The following FHIT variants were observed in gnomAD, a reference collection of about 807,000 sequenced individuals.
The protein encoded by FHIT is fragile histidine triad diadenosine triphosphatase.
FHIT carries 19 observed loss-of-function variants against 17.9 expected under a neutral mutation model. That is an observed-to-expected ratio of 1.06 (90% CI 0.74 to 1.56). The LOEUF is 1.56. Ranked by LOEUF, FHIT falls within the 40% of genes most tolerant of loss-of-function variation. FHIT has a pLI of 0.00. For synonymous variants in FHIT, 81 were observed against 69.7 expected (o/e 1.16, Z -0.81); for missense variants, 248 against 189.2 (o/e 1.31, Z -1.82).
intron 4 of FHIT, among the ~76,000 whole-genome samples, chr3:60,816,654 T>G (rs2106743022): frequency 6.6e-6 from 1 of 151,482 alleles, no homozygotes; most frequent in Non-Finnish European, 1.5e-5. Context: ...TGTTCAGGAT[T>G]TTTGCCTCTA....
At chr3:59,861,453 T>C (rs912636432) in intron 8 of FHIT, among the ~76,000 whole-genome samples, 6 of 152,224 alleles carry the variant, frequency 3.9e-5, no homozygotes, top group African/African-American at 1.4e-4. Context: ...AAGGGCTCAG[T>C]GCAAACTTCC....
chr3:60,410,006 GATTT>G (rs1702005653), intron 5 of FHIT, among the ~76,000 whole-genome samples: 1 of 152,132 alleles, frequency 6.6e-6, no homozygotes, highest in South Asian at 2.1e-4. Flanking sequence ...CACCCTAACA[GATTT>G]ATTTTAATAA....
At chr3:60,839,808 T>C (rs1178089881) in intron 3 of FHIT, among the ~76,000 whole-genome samples, 6 of 152,180 alleles carry the variant, frequency 3.9e-5, no homozygotes, top group African/African-American at 1.4e-4. Flanking sequence ...TTTCTGCATT[T>C]ACATAACTGC....
intron 5 of FHIT, among the ~76,000 whole-genome samples, chr3:60,298,962 AG>A (rs1169815870): frequency 6.6e-6 from 1 of 152,114 alleles, no homozygotes; most frequent in Non-Finnish European, 1.5e-5. Flanking sequence ...AGAGTAATAA[AG>A]TAATCTTCCT....
chr3:59,859,552 T>C (rs1176234539), intron 8 of FHIT, among the ~76,000 whole-genome samples: 2 of 152,164 alleles, frequency 1.3e-5, no homozygotes, highest in African/African-American at 4.8e-5. Flanking sequence ...ACTCCGTCTC[T>C]ACTAAAAATA....
Position 59,817,577 on chromosome 3 carries a change from AAAAG to A in FHIT, c.349-65260_349-65257del, listed in dbSNP as rs1205134371. On this transcript the variant is annotated intron_variant, in intron 8 of 9. Transcript: ENST00000492590. ...CACCCGTCACTAAAAAAAAAAAAAA[AAAAG>A]AAAGAAAGAAAGAAAAGAAAAAAGA... Among the ~76,000 whole-genome samples the A allele has an allele frequency of 3.0e-3, 460 of 150,978 alleles. 1 individual carries two copies. The highest frequency in any genetic ancestry group is 4.7e-3 in the Admixed American group (71 of 15,122).
At chr3:59,855,627 G>A (rs1702123141) in intron 8 of FHIT, among the ~76,000 whole-genome samples, 1 of 151,990 alleles carries the variant, frequency 6.6e-6, no homozygotes, top group East Asian at 1.9e-4. Context: ...TCAATCTTAA[G>A]TATACAAAAA....
chr3:60,355,926 T>C (rs1699636258), intron 5 of FHIT, among the ~76,000 whole-genome samples: 1 of 152,158 alleles, frequency 6.6e-6, no homozygotes, highest in African/African-American at 2.4e-5. Context: ...TGATTTTGTT[T>C]AATCACTGGG....
At chr3:60,304,212 T>A (rs1576448042) in intron 5 of FHIT, among the ~76,000 whole-genome samples, 1 of 121,958 alleles carries the variant, frequency 8.2e-6, no homozygotes, top group African/African-American at 2.9e-5. Context: ...GTGAACACAC[T>A]AGCACATTAC....
chr3:60,260,625 A>C (rs751112017), intron 5 of FHIT, among the ~76,000 whole-genome samples: 2 of 151,978 alleles, frequency 1.3e-5, no homozygotes, highest in Non-Finnish European at 2.9e-5. Context: ...TATCTGTCAG[A>C]GGTGTTTGAA....
intron 3 of FHIT, among the ~76,000 whole-genome samples, chr3:60,828,649 G>C (rs1005010893): frequency 7.2e-5 from 11 of 151,876 alleles, no homozygotes; most frequent in African/African-American, 2.7e-4. Flanking sequence ...GAGGTGAGGT[G>C]AGTTGATCAC....
intron 4 of FHIT, among the ~76,000 whole-genome samples, chr3:60,700,609 G>A (rs1559649930): frequency 6.6e-6 from 1 of 151,834 alleles, no homozygotes; most frequent in Non-Finnish European, 1.5e-5. Flanking sequence ...AGAGATTACT[G>A]ACTCCCAAAA....
At chr3:59,781,960 A>G (rs576907319) in intron 8 of FHIT, among the ~76,000 whole-genome samples, 2 of 152,212 alleles carry the variant, frequency 1.3e-5, no homozygotes, top group Non-Finnish European at 2.9e-5. Flanking sequence ...CTAGATTTGC[A>G]TTTGTCTAAA....
chr3:61,046,304 G>A (rs2033784718), intron 2 of FHIT, among the ~76,000 whole-genome samples: 1 of 152,038 alleles, frequency 6.6e-6, no homozygotes, highest in African/African-American at 2.4e-5. Context: ...ATGATAAAAG[G>A]GATATCACCA....
At chr3:61,077,399 G>A (rs1392926817) in intron 2 of FHIT, among the ~76,000 whole-genome samples, 1 of 151,880 alleles carries the variant, frequency 6.6e-6, no homozygotes, top group East Asian at 1.9e-4. Flanking sequence ...AAATTAGAGT[G>A]AGAACTAAAG....
chr3:60,572,915 A>T (rs913523930), intron 4 of FHIT, among the ~76,000 whole-genome samples: 1 of 152,166 alleles, frequency 6.6e-6, no homozygotes, highest in Non-Finnish European at 1.5e-5. Flanking sequence ...ACATGCTGCT[A>T]AATGCTCAAC....
intron 1 of FHIT, among the ~76,000 whole-genome samples, chr3:61,230,043 T>G (rs1270268677): frequency 1.3e-5 from 2 of 152,110 alleles, no homozygotes; most frequent in East Asian, 3.9e-4. Flanking sequence ...AAAAGTCCCT[T>G]CCCCTCGCTG....
intron 5 of FHIT, among the ~76,000 whole-genome samples, chr3:60,023,068 G>T (rs9817092): frequency 0.24 from 36,461 of 152,106 alleles, 4,642 homozygotes; most frequent in East Asian, 0.46. Context: ...ATGAAAATGA[G>T]CATGTTGTAA....
chr3:61,040,160 T>C (rs905077050), intron 3 of FHIT, among the ~76,000 whole-genome samples: 11 of 152,312 alleles, frequency 7.2e-5, no homozygotes, highest in East Asian at 1.9e-4. Context: ...AATAAAACCT[T>C]CTCAAAAGAA....
Sources: allele counts gnomAD v4.1 joint callset (sites outside exome capture counted in the v4.1 genomes callset), GRCh38; gene constraint gnomAD v4.1.1; transcripts MANE v1.5; gene names NCBI Gene and HGNC (gene_info 2026-07-23, HGNC 2026-07-21).